The following COL12A1 variants were observed in gnomAD, a reference collection of about 807,000 sequenced individuals.
COL12A1 encodes the protein collagen type XII alpha 1 chain, also known as collagen alpha-1(XII) chain.
COL12A1 carries 114 observed loss-of-function variants against 349.7 expected under a neutral mutation model. That is an observed-to-expected ratio of 0.33 (90% confidence interval 0.28 to 0.38). The LOEUF is 0.38. Ranked by LOEUF, COL12A1 falls within the 10% of genes least tolerant of loss-of-function variation. The pLI is 1.00. For synonymous variants in COL12A1, 1,369 were observed against 1,329.0 expected (o/e 1.03, Z -0.66); for missense variants, 3,284 against 3,756.9 (o/e 0.87, Z 3.29).
At chr6:75,200,123 T>C (rs1218302992) in intron 2 of COL12A1, among the ~76,000 whole-genome samples, 2 of 152,104 alleles carry the variant, frequency 1.3e-5, no homozygotes, top group East Asian at 3.9e-4. Context: ...ACAGAAATAT[T>C]TCAAAGAAAT....
At chr6:75,200,001 G>A (rs956822261) in intron 2 of COL12A1, among the ~76,000 whole-genome samples, 6 of 152,176 alleles carry the variant, frequency 3.9e-5, no homozygotes, top group Admixed American at 1.3e-4. Flanking sequence ...ATATAAGAGT[G>A]CAAGTGTGAG....
chr6:75,116,359 T>G (rs1769079618), intron 47 of COL12A1, among the ~76,000 whole-genome samples: 2 of 152,140 alleles, frequency 1.3e-5, no homozygotes, highest in Admixed American at 6.6e-5. Flanking sequence ...TCAATAGATT[T>G]AAAGAACTTC....
intron 14 of COL12A1, among the ~76,000 whole-genome samples, chr6:75,161,126 T>C (rs1768007410): frequency 6.6e-6 from 1 of 151,988 alleles, no homozygotes; most frequent in African/African-American, 2.4e-5. Flanking sequence ...ACGCACCAGC[T>C]CACCTAACAT....
rs1200438309 is a variant in COL12A1 at position 75,090,359 on chromosome 6, A to C, written c.8753-61T>G. 1.3e-6 allele frequency: 2 copies of C among 1,499,276 alleles called. No individual in the cohort carries two copies. Among genetic ancestry groups the C allele is most frequent in the Admixed American group, 3.8e-5 (2 of 52,430 alleles). The allele number at this position is 1,499,276 out of a possible 1,614,324, so 92.9% of individuals were successfully genotyped here. ...CAATAAAGGACGGATGAGAGAGTGAAACTGTTTTCTCTTAGTGTCTAGTGA... is the reference window on the plus strand; with the variant it reads ...CAATAAAGGACGGATGAGAGAGTGACACTGTTTTCTCTTAGTGTCTAGTGA... On this transcript the variant is annotated intron_variant, in intron 62 of 65. Transcript: ENST00000322507. This position sits in a 1 kb window ranked among gnomAD's most constrained non-coding sequence, Gnocchi z 4.1.
At chr6:75,179,197 C>T (rs1769132924) in intron 11 of COL12A1, among the ~76,000 whole-genome samples, 1 of 152,050 alleles carries the variant, frequency 6.6e-6, no homozygotes, top group South Asian at 2.1e-4. Context: ...AATTTAAATC[C>T]CAGATTCCAT....
At chr6:75,179,523 G>T (rs1466784171) in intron 11 of COL12A1, among the ~76,000 whole-genome samples, 1 of 137,260 alleles carries the variant, frequency 7.3e-6, no homozygotes, top group Non-Finnish European at 1.5e-5. Flanking sequence ...ACTTCAGGAA[G>T]AAATATACCT....
At chr6:75,134,883 T>TCAGCCTTG in intron 31 of COL12A1, 28 bp from the exon 32 acceptor site, 1 of 1,600,136 alleles carries the variant, frequency 6.2e-7, no homozygotes, top group Non-Finnish European at 8.5e-7. Context: ...TTGGTAAGTG[T>TCAGCCTTG]CAGCCTTGCT....
chr6:75,143,802 A>T (rs1264464733), intron 25 of COL12A1, among the ~76,000 whole-genome samples: 1 of 152,242 alleles, frequency 6.6e-6, no homozygotes, highest in Non-Finnish European at 1.5e-5. Flanking sequence ...ACAGAAAAAA[A>T]TAGTTACAGA....
chr6:75,087,498 C>G (rs1767557699), intron 65 of COL12A1, 79 bp downstream of exon 65: 2 of 1,463,602 alleles, frequency 1.4e-6, no homozygotes, highest in Non-Finnish European at 9.4e-7. Context: ...ATCAGCCTTC[C>G]TTCAATCCTA....
At chr6:75,195,726 A>C (rs1030728133) in intron 2 of COL12A1, among the ~76,000 whole-genome samples, 2 of 152,136 alleles carry the variant, frequency 1.3e-5, no homozygotes, top group Non-Finnish European at 2.9e-5. Context: ...GTAAACCAAC[A>C]CTATTATTTC....
At chr6:75,101,473 G>A in intron 58 of COL12A1, 127 bp downstream of exon 58, 2 of 842,658 alleles carry the variant, frequency 2.4e-6, no homozygotes, top group Non-Finnish European at 3.7e-6. Context: ...CATTAGCTTT[G>A]CAGCTTTGCA....
In COL12A1 at chr6:75,124,539, G is replaced by C. The variant is rs548249589; in HGVS notation, c.6608-168C>G. On this transcript the variant is annotated intron_variant, in intron 40 of 65. Transcript: ENST00000322507. ...GAATCATATTTAAAAATGTGGTACTGCCAAAATAGACCCCCCTTTCTTTCG... is the reference window on the plus strand; with the variant it reads ...GAATCATATTTAAAAATGTGGTACTCCCAAAATAGACCCCCCTTTCTTTCG... Among the ~76,000 whole-genome samples, 3 of 152,176 alleles carry C rather than the reference G, an allele frequency of 2.0e-5. No individual in the cohort carries two copies. In the South Asian group the frequency reaches 6.2e-4, roughly 32 times the overall value.
At chr6:75,164,608 A>G (rs1768188387) in intron 14 of COL12A1, among the ~76,000 whole-genome samples, 1 of 152,336 alleles carries the variant, frequency 6.6e-6, no homozygotes, top group Non-Finnish European at 1.5e-5. Context: ...TGGTACAGAG[A>G]TTGAGCAGAA....
chr6:75,124,593 T>C (rs193060934), intron 40 of COL12A1, among the ~76,000 whole-genome samples: 1 of 152,118 alleles, frequency 6.6e-6, no homozygotes, highest in Non-Finnish European at 1.5e-5. Flanking sequence ...AAATTCCATA[T>C]AGTCCCTCTC....
intron 58 of COL12A1, among the ~76,000 whole-genome samples, chr6:75,099,731 C>T (rs1249585665): frequency 6.6e-6 from 1 of 152,192 alleles, no homozygotes; most frequent in African/African-American, 2.4e-5. Flanking sequence ...TACACATGTA[C>T]AGATACCTGT....
chr6:75,139,676 G>T (rs905105968), intron 27 of COL12A1, among the ~76,000 whole-genome samples: 20 of 152,090 alleles, frequency 1.3e-4, no homozygotes, highest in Non-Finnish European at 2.5e-4. Flanking sequence ...AGCATGTTAC[G>T]ATCCAGGTAA....
chr6:75,106,200 G>GTA (rs1768535432), intron 53 of COL12A1, among the ~76,000 whole-genome samples: 2 of 152,192 alleles, frequency 1.3e-5, no homozygotes, highest in South Asian at 2.1e-4. Context: ...TTCTCTTAGG[G>GTA]AGAAGTCCCA....
chr6:75,135,705 T>C (rs957164482), intron 31 of COL12A1, among the ~76,000 whole-genome samples: 1 of 152,194 alleles, frequency 6.6e-6, no homozygotes, highest in East Asian at 1.9e-4. Flanking sequence ...TCAAGTAGTC[T>C]GAATTCCAGA....
Position 75,117,524 on chromosome 6 carries a change from A to C in COL12A1, c.7377T>G (p.Gly2459=). 1 of 1,613,600 alleles carries C rather than the reference A, an allele frequency of 6.2e-7. No individual in the cohort carries two copies. Among genetic ancestry groups the C allele is most frequent in the Admixed American group, 1.7e-5 (1 of 60,002 alleles). The change falls in exon 47 of 66, where the codon GGT becomes GGG. Residue 2459 remains glycine, a synonymous_variant. Coordinates refer to ENST00000322507, the MANE Select transcript of COL12A1 (RefSeq NM_004370.6). ...GCTCATTGTAGTCGACATCAGCCACACCAACTACAAAGACACTGAACCCTG... is the reference window on the plus strand; with the variant it reads ...GCTCATTGTAGTCGACATCAGCCACCCCAACTACAAAGACACTGAACCCTG... ...QQSGFSVFVV[G]VADVDYNELA...
Sources: gnomAD v4.1 joint callset for allele counts (sites outside exome capture counted in the v4.1 genomes callset) on GRCh38, gnomAD v4.1.1 for gene constraint, Gnocchi (gnomAD v3.1) non-coding constraint, MANE v1.5 for transcripts, NCBI Gene and HGNC (gene_info 2026-07-23, HGNC 2026-07-21) for gene names.